The following NOS1 variants were observed in gnomAD, a reference collection of about 807,000 sequenced individuals.
NOS1 encodes NOS type I.
Under a neutral mutation model 164.5 loss-of-function variants are expected in NOS1, and 51 were observed. The observed-to-expected ratio is 0.31, with a 90% CI of 0.25 to 0.39. The LOEUF (loss-of-function observed/expected upper bound fraction) is 0.39. Among genes scored for constraint, NOS1 ranks in the 10% least tolerant of loss-of-function variants. The pLI, the probability that NOS1 is intolerant of heterozygous loss-of-function variation, is 1.00. For missense variants in NOS1, 1,362 were observed against 1,885.6 expected (o/e 0.72, Z 5.14); for synonymous variants, 719 against 745.8 (o/e 0.96, Z 0.59).
rs1555254985 is a variant in NOS1 at position 117,279,386 on chromosome 12, C to CA, written c.1525-1289dup. Among the ~76,000 whole-genome samples, 21 of 150,004 alleles carry CA rather than the reference C, an allele frequency of 1.4e-4. No homozygotes were observed. In the South Asian group the frequency reaches 1.5e-3, roughly 10 times the overall value. ...CCATCTCAAAAAACAAAAAAAAAAC[C>CA]AAAAAAAACAAACCAAGATCAATGA... On this transcript the variant is annotated intron_variant, in intron 8 of 28. Transcript: ENST00000317775.
chr12:117,348,018 T>C (rs1198516230), intron 1 of NOS1: 4 of 43,394 alleles, frequency 9.2e-5, no homozygotes, highest in African/African-American at 3.0e-4. Context: ...ATCCCCTACA[T>C]TTTTTTTTTT....
At chr12:117,300,545 T>C (rs1351013192) in intron 3 of NOS1, among the ~76,000 whole-genome samples, 1 of 151,988 alleles carries the variant, frequency 6.6e-6, no homozygotes, top group African/African-American at 2.4e-5. Context: ...AGGCGATGGC[T>C]CAGGTGGAAG....
At chr12:117,259,895 G>A (rs568075658) in intron 14 of NOS1, among the ~76,000 whole-genome samples, 31 of 152,012 alleles carry the variant, frequency 2.0e-4, no homozygotes, top group Admixed American at 4.6e-4. Flanking sequence ...CGAGGCGGGC[G>A]AATCAAGAGG....
At chr12:117,264,866 C>T (rs1268184223) in intron 12 of NOS1, among the ~76,000 whole-genome samples, 1 of 151,894 alleles carries the variant, frequency 6.6e-6, no homozygotes, top group African/African-American at 2.4e-5. Flanking sequence ...ATACGCCAGG[C>T]TAATTTTTTG....
At chr12:117,352,270 C>T (rs776982212) in intron 1 of NOS1, among the ~76,000 whole-genome samples, 6 of 152,160 alleles carry the variant, frequency 3.9e-5, no homozygotes, top group Admixed American at 6.5e-5. Flanking sequence ...ACTCTGGAGG[C>T]AAGAGGCGTG....
At chr12:117,254,458 G>A (rs913584214) in intron 16 of NOS1, among the ~76,000 whole-genome samples, 13 of 152,276 alleles carry the variant, frequency 8.5e-5, no homozygotes, top group African/African-American at 3.1e-4. Context: ...TCATTAAAAT[G>A]CAGATTCTGA....
At chr12:117,224,372 G>A (rs1868463597) in intron 25 of NOS1, among the ~76,000 whole-genome samples, 2 of 151,940 alleles carry the variant, frequency 1.3e-5, no homozygotes, top group African/African-American at 2.4e-5. Context: ...TGCAAGCTCC[G>A]CCTCCCGGGT....
intron 1 of NOS1, among the ~76,000 whole-genome samples, chr12:117,342,471 T>C (rs775092698): frequency 6.6e-6 from 1 of 151,756 alleles, no homozygotes; most frequent in Non-Finnish European, 1.5e-5. Flanking sequence ...GTTGGCCAGA[T>C]AAGAAGGTGG....
chr12:117,283,520 G>A (rs1873857128), intron 7 of NOS1, among the ~76,000 whole-genome samples: 1 of 152,150 alleles, frequency 6.6e-6, no homozygotes, highest in South Asian at 2.1e-4. Context: ...TGCTGGGACT[G>A]GGGTGACCCA....
chr12:117,280,870 T>C lies in NOS1; in HGVS notation c.1383-4A>G. 1 of 1,613,620 alleles carries C rather than the reference T, an allele frequency of 6.2e-7. No homozygotes were observed. The highest frequency in any genetic ancestry group is 8.5e-7 in the Non-Finnish European group (1 of 1,179,750). ...GGGGAATATGGTGATGGCAGACCTG[T>C]GGTGGAGAGAGGGGAACACCCGGCA... On this transcript the variant is annotated splice_polypyrimidine_tract_variant and splice_region_variant and intron_variant, in intron 7 of 28. Coordinates refer to ENST00000317775, the MANE Select transcript of NOS1 (RefSeq NM_000620.5).
Position 117,208,298 on chromosome 12 carries a change from C to A in NOS1, c.*7011G>T. 1 of 1,288,944 alleles carries A rather than the reference C, an allele frequency of 7.8e-7. No homozygotes were observed. Among genetic ancestry groups the A allele is most frequent in the Non-Finnish European group, 1.0e-6 (1 of 988,622 alleles). 79.8% of individuals were successfully genotyped at this position (1,288,944 alleles called of 1,614,324 possible). A position where few individuals can be genotyped will look rare whatever the true frequency, so the allele number is the denominator to read the frequency against. On this transcript the variant is annotated 3_prime_UTR_variant, in exon 29 of 29. Transcript: ENST00000317775. The stretch of plus-strand genomic sequence containing the variant: ...CAAAGAGCGTGGGGTGGGCGTCAGT[C>A]CTTCAAGGAAGGTGCTGGAGCACAG...
chr12:117,326,392 AAAAAAAAAAC>A (rs869216636), intron 2 of NOS1, among the ~76,000 whole-genome samples: 190 of 8,254 alleles, frequency 0.023, 2 homozygotes, highest in Non-Finnish European at 0.049. Flanking sequence ...TCTCAAAAAA[AAAAAAAAAAC>A]AAAAAAACAA....
intron 25 of NOS1, among the ~76,000 whole-genome samples, chr12:117,223,172 C>A (rs1461058020): frequency 6.6e-6 from 1 of 152,174 alleles, no homozygotes; most frequent in African/African-American, 2.4e-5. Flanking sequence ...TAGGAGCCCC[C>A]ACCTGATGCC....
intron 16 of NOS1, among the ~76,000 whole-genome samples, chr12:117,254,113 A>C (rs1002544615): frequency 1.3e-5 from 2 of 152,132 alleles, no homozygotes; most frequent in Admixed American, 6.5e-5. Flanking sequence ...AAAAAAAAAA[A>C]AATTTTTTTT....
intron 27 of NOS1, 68 bp downstream of exon 27, chr12:117,220,007 G>A (rs942754555): frequency 1.4e-6 from 2 of 1,446,180 alleles, no homozygotes; most frequent in African/African-American, 2.8e-5. Context: ...AAGACAGGTT[G>A]GATGAAAAAG....
chr12:117,239,574 T>G (rs1869998378), intron 20 of NOS1, among the ~76,000 whole-genome samples: 1 of 152,364 alleles, frequency 6.6e-6, no homozygotes, highest in Non-Finnish European at 1.5e-5. Context: ...GCACTTTGTC[T>G]GCAATTAGTG....
chr12:117,264,072 G>T, intron 12 of NOS1, 98 bp from the exon 13 acceptor site: 2 of 700,042 alleles, frequency 2.9e-6, no homozygotes, highest in Non-Finnish European at 4.5e-6. Flanking sequence ...GTGACTGCCT[G>T]ACCCTCGGCC....
At chr12:117,224,895 C>A (rs1033021092) in intron 25 of NOS1, 121 bp downstream of exon 25, 27 of 1,344,616 alleles carry the variant, frequency 2.0e-5, no homozygotes, top group Non-Finnish European at 2.6e-5. Flanking sequence ...CACGCCCCAG[C>A]TTTTCTGAGG....
chr12:117,285,190 C>T lies in NOS1; in HGVS notation c.1382+51G>A, dbSNP rs368698854. Reference sequence around the variant, plus strand: ...CTGACTCCAGAGTCAAAGTACAATGCTGTGGGGACTTTTGACCTCCTGCTC... The same window carrying T: ...CTGACTCCAGAGTCAAAGTACAATGTTGTGGGGACTTTTGACCTCCTGCTC... On this transcript the variant is annotated intron_variant, in intron 7 of 28. Coordinates refer to ENST00000317775, the MANE Select transcript of NOS1 (RefSeq NM_000620.5). 28 of 1,292,562 alleles carry T rather than the reference C, an allele frequency of 2.2e-5. No individual in the cohort carries two copies. The Middle Eastern group carries it at 9.5e-4, about 44-fold the overall frequency. 80.1% of individuals were successfully genotyped at this position (1,292,562 alleles called of 1,614,324 possible). A position where few individuals can be genotyped will look rare whatever the true frequency, so the allele number is the denominator to read the frequency against.
Sources: allele counts gnomAD v4.1 joint callset (sites outside exome capture counted in the v4.1 genomes callset), GRCh38; gene constraint gnomAD v4.1.1; transcripts MANE v1.5; gene names NCBI Gene and HGNC (gene_info 2026-07-23, HGNC 2026-07-21).